Variants in ALDH6A1 observed in about 807,000 individuals in gnomAD.
The protein encoded by ALDH6A1 is aldehyde dehydrogenase 6 family member A1, also known as methylmalonate-semialdehyde/malonate-semialdehyde dehydrogenase [acylating], mitochondrial.
ALDH6A1 carries 43 observed loss-of-function variants against 62.6 expected under a neutral mutation model. The ratio of observed to expected loss-of-function variants is 0.69; its 90% confidence interval spans 0.54 to 0.89. ALDH6A1 has a LOEUF of 0.89. Ranked by LOEUF, ALDH6A1 falls within the 40% of genes least tolerant of loss-of-function variation. The probability of loss-of-function intolerance (pLI) is 0.00; values close to 1 mark genes in which losing one functional copy is unlikely to be tolerated. For missense variants in ALDH6A1, 551 were observed against 661.3 expected, an observed-to-expected ratio of 0.83 and a Z score of 1.83; for synonymous variants, 194 against 234.2, an observed-to-expected ratio of 0.83 and a Z score of 1.57.
In ALDH6A1 at chr14:74,074,998, G is replaced by C; in HGVS notation, c.68C>G (p.Ser23Cys). 15 of 1,613,990 alleles carry C rather than the reference G, an allele frequency of 9.3e-6. No homozygotes were observed. Among genetic ancestry groups the C allele is most frequent in the Non-Finnish European group, 1.3e-5 (15 of 1,179,948 alleles). Reference sequence around the variant, plus strand: ...AGATGCTGAATACCAGGTGGGACTGGATTTCACCTTGGAAGAAACCTGTGA... The same window carrying C: ...AGATGCTGAATACCAGGTGGGACTGCATTTCACCTTGGAAGAAACCTGTGA... The part of the protein sequence containing the change: ...RILQVSSKVK[S>C]SPTWYSASSF... The change falls in exon 2 of 12, where the codon TCC (serine) becomes TGC (cysteine). Residue 23 changes from serine (S) to cysteine (C), a missense_variant. Physicochemically the swap from Ser to Cys is moderately radical, Grantham distance 112. Transcript: ENST00000553458.
chr14:74,084,387 G>T lies in ALDH6A1; in HGVS notation c.8C>A (p.Ala3Glu). ...TCGCACTGCCGCCGCCGCCAATAGCGCCGCCATGGCTCTCGGCCGCCCTAG... is the reference window on the plus strand; with the variant it reads ...TCGCACTGCCGCCGCCGCCAATAGCTCCGCCATGGCTCTCGGCCGCCCTAG... MA[A>E]LLAAAAVRAR... Residue 3 changes from alanine (A) to glutamate (E), a missense_variant, in exon 1 of 12, where the codon GCG becomes GAG. Physicochemically the swap from Ala to Glu is moderately radical, Grantham distance 107 (BLOSUM62 -1). Transcript: ENST00000553458. The T allele has an allele frequency of 6.2e-7, 1 of 1,613,530 alleles. No homozygotes were observed. The highest frequency in any genetic ancestry group is 1.7e-5 in the Admixed American group (1 of 60,016).
At position 74,064,309 on chromosome 14, in the gene ALDH6A1, A is replaced by AT. The variant is rs199574362; in HGVS notation, c.1503+512_1503+513insA. Reference sequence around the variant, plus strand: ...CGAGACTGTGTCTCAAAAAAAAAAAAAATAATAATAATAATAGTAATAATA... The same window carrying AT: ...CGAGACTGTGTCTCAAAAAAAAAAAATAATAATAATAATAATAGTAATAATA... On this transcript the variant is annotated intron_variant, in intron 11 of 11. Transcript: ENST00000553458. Among the ~76,000 whole-genome samples the AT allele has an allele frequency of 6.7e-3, 999 of 148,756 alleles. 6 individuals are homozygous for AT. The highest frequency in any genetic ancestry group is 0.018 in the African/African-American group (721 of 40,408).
chr14:74,081,987 G>A (rs1309223272), intron 1 of ALDH6A1, among the ~76,000 whole-genome samples: 2 of 152,148 alleles, frequency 1.3e-5, no homozygotes, highest in Non-Finnish European at 2.9e-5. Flanking sequence ...TGGGAGGATA[G>A]CTTGAGTTTA....
At chr14:74,067,017 A>G in intron 8 of ALDH6A1, 131 bp from the exon 9 acceptor site, 1 of 879,068 alleles carries the variant, frequency 1.1e-6, no homozygotes, top group Admixed American at 2.1e-5. Context: ...GGAGTTCCAG[A>G]CCAGCCTGGG....
chr14:74,073,287 A>T (rs2060574694), intron 2 of ALDH6A1, among the ~76,000 whole-genome samples: 1 of 150,976 alleles, frequency 6.6e-6, no homozygotes, highest in Middle Eastern at 3.2e-3. Flanking sequence ...TGTACTTTTG[A>T]TAGAGACGGG....
intron 2 of ALDH6A1, among the ~76,000 whole-genome samples, chr14:74,073,793 C>A (rs34663760): frequency 0.11 from 16,869 of 151,504 alleles, 1,235 homozygotes; most frequent in Admixed American, 0.19. Context: ...TGGCATGCGA[C>A]TGTAATCCTA....
chr14:74,064,748 C>A (rs760728065), intron 11 of ALDH6A1, 74 bp downstream of exon 11: 21 of 1,611,834 alleles, frequency 1.3e-5, no homozygotes, highest in Non-Finnish European at 1.7e-5. Context: ...CCCTTCCTTG[C>A]AGAATCCTTG....
At position 74,062,780 on chromosome 14, in the gene ALDH6A1, C is replaced by T. The variant is rs142047519; in HGVS notation, c.1504-2034G>A. On this transcript the variant is annotated intron_variant, in intron 11 of 11. Coordinates refer to ENST00000553458, the MANE Select transcript of ALDH6A1 (RefSeq NM_005589.4). ...TAAAATAAAAAAGCCCCACATCCCTCGCCCTGTGGCAGCACATAGCTGGCA... is the reference window on the plus strand; with the variant it reads ...TAAAATAAAAAAGCCCCACATCCCTTGCCCTGTGGCAGCACATAGCTGGCA... Among the ~76,000 whole-genome samples, 808 of 152,176 alleles carry T rather than the reference C, an allele frequency of 5.3e-3. 1 individual carries two copies. The highest frequency in any genetic ancestry group is 0.018 in the African/African-American group (747 of 41,542).
intron 1 of ALDH6A1, among the ~76,000 whole-genome samples, chr14:74,079,623 G>A (rs889394861): frequency 1.3e-5 from 2 of 151,646 alleles, no homozygotes; most frequent in Admixed American, 6.6e-5. Flanking sequence ...TAGTAGAGAT[G>A]GGGTTTCACC....
At chr14:74,060,767 G>A (rs756978818) in intron 11 of ALDH6A1, 21 bp from the exon 12 acceptor site, 1 of 1,528,230 alleles carries the variant, frequency 6.5e-7, no homozygotes, top group Non-Finnish European at 9.1e-7. Context: ...CAGAAAAAAA[G>A]TTAGCATATA....
rs1470213471 is a variant in ALDH6A1 at position 74,084,360 on chromosome 14, G to A, written c.35C>T (p.Ala12Val). 7 of 1,613,224 alleles carry A rather than the reference G, an allele frequency of 4.3e-6. No individual in the cohort carries two copies. Among genetic ancestry groups the A allele is most frequent in the Admixed American group, 1.7e-5 (1 of 59,988 alleles). The change falls in exon 1 of 12, where the codon GCC becomes GTC. Residue 12 changes from alanine to valine, a missense_variant. Physicochemically the swap from Ala to Val is moderately conservative, Grantham distance 64. Transcript: ENST00000553458. Reference protein sequence around the residue: ...AALLAAAAVRARILQVSSKVK... With the variant: ...AALLAAAAVRVRILQVSSKVK... ...ACCCTCACTCGCCTGCAGGATCCGG[G>A]CTCGCACTGCCGCCGCCGCCAATAG... is the stretch of plus-strand genomic sequence containing the variant.
rs139588250 is a variant in ALDH6A1 at position 74,077,449 on chromosome 14, T to C, written c.49-2432A>G. 2.8e-3 allele frequency among the ~76,000 whole-genome samples: 422 copies of C among 152,252 alleles called. 2 individuals are homozygous for C. The highest frequency in any genetic ancestry group is 9.7e-3 in the African/African-American group (404 of 41,538). On this transcript the variant is annotated intron_variant, in intron 1 of 11. Coordinates refer to ENST00000553458, the MANE Select transcript of ALDH6A1 (RefSeq NM_005589.4). Reference sequence around the variant, plus strand: ...GTTCATGATTCTGCAGGCTGGGAAGTTCAAGGGAATGGCTCTAGCTTCTGG... The same window carrying C: ...GTTCATGATTCTGCAGGCTGGGAAGCTCAAGGGAATGGCTCTAGCTTCTGG...
chr14:74,060,927 C>A (rs894671557), intron 11 of ALDH6A1, among the ~76,000 whole-genome samples, 181 bp from the exon 12 acceptor site: 1 of 151,914 alleles, frequency 6.6e-6, no homozygotes, highest in Admixed American at 6.6e-5. Flanking sequence ...TAATACCTGG[C>A]AGATAGTAAA....
intron 1 of ALDH6A1, 104 bp from the exon 2 acceptor site, chr14:74,075,121 T>G: frequency 2.1e-5 from 21 of 1,017,312 alleles, no homozygotes; most frequent in East Asian, 1.3e-4. Flanking sequence ...ATAGGGGGTA[T>G]GTTTCTCTCA....
In ALDH6A1 at chr14:74,059,585, C is replaced by T; in HGVS notation, c.*1057G>A. The T allele has an allele frequency of 3.7e-6, 1 of 267,964 alleles. No individual in the cohort carries two copies. The highest frequency in any genetic ancestry group is 7.4e-6 in the Non-Finnish European group (1 of 135,470). 16.6% of individuals were successfully genotyped at this position (267,964 alleles called of 1,614,324 possible). On this transcript the variant is annotated 3_prime_UTR_variant, in exon 12 of 12. Transcript: ENST00000553458. ...TGGCGCATGCCTGTAATCCCAGCTACTAGGGGGGCTGAGGCAGGAGAATCG... is the reference window on the plus strand; with the variant it reads ...TGGCGCATGCCTGTAATCCCAGCTATTAGGGGGGCTGAGGCAGGAGAATCG...
chr14:74,061,178 A>G (rs1376024714), intron 11 of ALDH6A1, among the ~76,000 whole-genome samples: 2 of 151,974 alleles, frequency 1.3e-5, no homozygotes, highest in Non-Finnish European at 2.9e-5. Flanking sequence ...GGGTTTCACC[A>G]TGTTGGCCAG....
intron 9 of ALDH6A1, 154 bp from the exon 10 acceptor site, chr14:74,065,514 A>AG: frequency 1.3e-6 from 1 of 754,822 alleles, no homozygotes; most frequent in African/African-American, 1.8e-5. Context: ...TTAAAAAAAA[A>AG]GTCCTCTCTC....
chr14:74,063,169 G>A (rs567020879), intron 11 of ALDH6A1, among the ~76,000 whole-genome samples: 1 of 151,628 alleles, frequency 6.6e-6, no homozygotes, highest in African/African-American at 2.4e-5. Context: ...GTTGGCCGAT[G>A]TGGCAATAGT....
At chr14:74,072,849 G>A (rs963013796) in intron 2 of ALDH6A1, among the ~76,000 whole-genome samples, 1 of 152,006 alleles carries the variant, frequency 6.6e-6, no homozygotes, top group African/African-American at 2.4e-5. Flanking sequence ...CCAGTCTGGA[G>A]CACACAGTGG....
Sources: gnomAD v4.1 joint callset for allele counts (sites outside exome capture counted in the v4.1 genomes callset) on GRCh38, gnomAD v4.1.1 for gene constraint, MANE v1.5 for transcripts, NCBI Gene and HGNC (gene_info 2026-07-23, HGNC 2026-07-21) for gene names.